Variants in PPP1R12A observed in about 807,000 individuals in gnomAD.
PPP1R12A encodes myosin binding subunit.
Under a neutral mutation model 139.6 loss-of-function variants are expected in PPP1R12A, and 19 were observed. The observed-to-expected ratio is 0.14, with a 90% CI of 0.09 to 0.20. PPP1R12A has a LOEUF of 0.20. Among genes scored for constraint, PPP1R12A ranks in the 10% least tolerant of loss-of-function variants. The pLI, the probability that PPP1R12A is intolerant of heterozygous loss-of-function variation, is 1.00. For missense variants in PPP1R12A, 925 were observed against 1,211.5 expected (o/e 0.76, Z 3.51); for synonymous variants, 427 against 420.6 (o/e 1.02, Z -0.19).
chr12:79,919,331 C>A (rs1288440972), intron 1 of PPP1R12A, among the ~76,000 whole-genome samples: 1 of 151,648 alleles, frequency 6.6e-6, no homozygotes, highest in Non-Finnish European at 1.5e-5. Context: ...CTGAGGCGGG[C>A]GGATCACGAG....
chr12:79,815,410 A>T (rs1161959059), intron 9 of PPP1R12A, among the ~76,000 whole-genome samples: 1 of 151,904 alleles, frequency 6.6e-6, no homozygotes, highest in Non-Finnish European at 1.5e-5. Context: ...GATCCCTGTT[A>T]CTCAGTAGGC....
intron 5 of PPP1R12A, among the ~76,000 whole-genome samples, chr12:79,823,188 A>G (rs750905252): frequency 2.6e-5 from 4 of 152,154 alleles, no homozygotes; most frequent in Non-Finnish European, 4.4e-5. Context: ...ATTAGTCCTT[A>G]TAATAGCCCT....
In PPP1R12A at chr12:79,890,919, A is replaced by ACCCACCCACACACACACACACACT. The variant is rs1884569752; in HGVS notation, c.238-17982_238-17981insAGTGTGTGTGTGTGTGTGGGTGGG. 2.0e-5 allele frequency among the ~76,000 whole-genome samples: 3 copies of ACCCACCCACACACACACACACACT among 148,130 alleles called. No homozygotes were observed. In the Admixed American group the frequency reaches 2.0e-4, roughly 10 times the overall value. On this transcript the variant is annotated intron_variant, in intron 1 of 24. Transcript: ENST00000450142. ...CCCACACCCACCCACACACACACAC[A>ACCCACCCACACACACACACACACT]CACACACACACACACACACACACAT...
intron 22 of PPP1R12A, chr12:79,782,625 A>G: frequency 2.3e-6 from 1 of 438,506 alleles, no homozygotes; most frequent in Non-Finnish European, 4.5e-6. Context: ...ACAGTTTAAG[A>G]ACAAAACAAA....
Position 79,872,851 on chromosome 12 carries a change from G to A in PPP1R12A, c.325C>T (p.Pro109Ser). The A allele has an allele frequency of 2.5e-6, 4 of 1,613,420 alleles. No individual in the cohort carries two copies. The highest frequency in any genetic ancestry group is 3.4e-6 in the Non-Finnish European group (4 of 1,179,588). ...CCACAGGAAGCTGCTGCATGTAGTG[G>A]TATCCAGCCTTCATTATCAGGTTGA... ...INQPDNEGWI[P>S]LHAAASCGYL... Residue 109 changes from proline (P) to serine (S), a missense_variant, in exon 2 of 25, where the codon CCA becomes TCA. This residue lies in a region of PPP1R12A where 199 missense variants were observed against 352.4 expected (regional missense o/e 0.56). Coordinates refer to ENST00000450142, the MANE Select transcript of PPP1R12A (RefSeq NM_002480.3).
At chr12:79,810,858 T>G (rs1207888191) in intron 9 of PPP1R12A, among the ~76,000 whole-genome samples, 1 of 151,978 alleles carries the variant, frequency 6.6e-6, no homozygotes, top group Non-Finnish European at 1.5e-5. Context: ...CAAAAACTAG[T>G]AACTGATATT....
chr12:79,894,023 T>C (rs1884904755), intron 1 of PPP1R12A, among the ~76,000 whole-genome samples: 1 of 152,178 alleles, frequency 6.6e-6, no homozygotes, highest in Non-Finnish European at 1.5e-5. Flanking sequence ...AAGGAAGTAA[T>C]AATTTTGCTT....
chr12:79,814,078 T>A (rs1462090959), intron 9 of PPP1R12A, among the ~76,000 whole-genome samples: 1 of 152,162 alleles, frequency 6.6e-6, no homozygotes. Context: ...AAGTTACAGA[T>A]AAACTTGAAA....
chr12:79,931,925 T>C (rs1326223545), intron 1 of PPP1R12A, among the ~76,000 whole-genome samples: 1 of 152,204 alleles, frequency 6.6e-6, no homozygotes, highest in African/African-American at 2.4e-5. Context: ...ATATCTTTTA[T>C]AACTTCTAAT....
At chr12:79,904,782 G>A (rs1885954017) in intron 1 of PPP1R12A, among the ~76,000 whole-genome samples, 2 of 152,200 alleles carry the variant, frequency 1.3e-5, no homozygotes, top group Admixed American at 6.5e-5. Context: ...AGCACTAGGT[G>A]ACTGGTGCTT....
intron 9 of PPP1R12A, among the ~76,000 whole-genome samples, chr12:79,814,355 T>C (rs1219486252): frequency 6.6e-6 from 1 of 151,146 alleles, no homozygotes; most frequent in Non-Finnish European, 1.5e-5. Context: ...TGGATGCCTG[T>C]AGTCCCGGCT....
chr12:79,897,759 C>T (rs536293307), intron 1 of PPP1R12A, among the ~76,000 whole-genome samples: 20 of 152,276 alleles, frequency 1.3e-4, no homozygotes, highest in African/African-American at 4.8e-4. Context: ...CTTTTGTCCT[C>T]ATTGTGAATT....
rs946508590 is a variant in PPP1R12A, at chr12:79,891,085, C to T, written c.238-18147G>A. ...TGGAAGGCAGGGGGGAACTACATTC[C>T]TGAATCCTTTTCAGAAAGAAAGAGC... On this transcript the variant is annotated intron_variant, in intron 1 of 24. Transcript: ENST00000450142. 3.0e-4 allele frequency among the ~76,000 whole-genome samples: 46 copies of T among 151,834 alleles called. 1 individual carries two copies. The highest frequency in any genetic ancestry group is 7.4e-5 in the Non-Finnish European group (5 of 67,974).
chr12:79,851,991 G>T (rs2765847), intron 2 of PPP1R12A, among the ~76,000 whole-genome samples: 12,012 of 151,782 alleles, frequency 0.079, 784 homozygotes, highest in East Asian at 0.33. Flanking sequence ...TTATTTCTTT[G>T]CTAAGACTTT....
rs1043106722 is a variant in PPP1R12A, at chr12:79,822,278, G to A, written c.793-88C>T. 4.2e-5 allele frequency: 40 copies of A among 957,778 alleles called. No individual in the cohort carries two copies. In the Middle Eastern group the frequency reaches 6.5e-4, roughly 16 times the overall value. The allele number at this position is 957,778 out of a possible 1,614,324, so 59.3% of individuals were successfully genotyped here. A position where few individuals can be genotyped will look rare whatever the true frequency, so the allele number is the denominator to read the frequency against. ...GTAATTCTGTATAATTTTATATAAAGACGTTGGATAACATTTTTTACAGTG... is the reference window on the plus strand; with the variant it reads ...GTAATTCTGTATAATTTTATATAAAAACGTTGGATAACATTTTTTACAGTG... On this transcript the variant is annotated intron_variant, in intron 5 of 24. Coordinates refer to ENST00000450142, the MANE Select transcript of PPP1R12A (RefSeq NM_002480.3).
intron 2 of PPP1R12A, among the ~76,000 whole-genome samples, chr12:79,848,620 G>A (rs1879681931): frequency 6.6e-6 from 1 of 152,074 alleles, no homozygotes; most frequent in Admixed American, 6.6e-5. Context: ...CAATCCTTGA[G>A]CCAAAAGATT....
At chr12:79,871,394 A>C (rs1021276340) in intron 2 of PPP1R12A, among the ~76,000 whole-genome samples, 6 of 152,238 alleles carry the variant, frequency 3.9e-5, no homozygotes, top group Non-Finnish European at 7.3e-5. Context: ...AGAATTAAAC[A>C]TCTGAAGAAA....
intron 2 of PPP1R12A, among the ~76,000 whole-genome samples, chr12:79,859,855 G>A (rs950393745): frequency 3.9e-5 from 6 of 152,022 alleles, no homozygotes; most frequent in Non-Finnish European, 7.4e-5. Flanking sequence ...TCCAGGCTGC[G>A]GTGTGTTATG....
chr12:79,871,160 TTAATAAGCC>T (rs1248350691), intron 2 of PPP1R12A, among the ~76,000 whole-genome samples: 1 of 152,176 alleles, frequency 6.6e-6, no homozygotes, highest in Non-Finnish European at 1.5e-5. Flanking sequence ...ACTGAGTGGC[TTAATAAGCC>T]TAAATGTCCT....
Sources: allele counts gnomAD v4.1 joint callset (sites outside exome capture counted in the v4.1 genomes callset), GRCh38; gene constraint gnomAD v4.1.1; regional missense constraint gnomAD v4.1.1; transcripts MANE v1.5; gene names NCBI Gene and HGNC (gene_info 2026-07-23, HGNC 2026-07-21).